The following SCN2A variants were observed in gnomAD, a reference collection of about 807,000 sequenced individuals.
The protein encoded by SCN2A is sodium voltage-gated channel alpha subunit 2, also known as sodium channel protein type 2 subunit alpha.
In SCN2A, 20 loss-of-function variants were observed where a neutral mutation model predicts 188.7. That is an observed-to-expected ratio of 0.11 (90% CI 0.07 to 0.15). The LOEUF (loss-of-function observed/expected upper bound fraction) is 0.15. SCN2A is among the 10% of genes least tolerant of loss of function. The pLI is 1.00. For missense variants in SCN2A, 1,278 were observed against 2,445.0 expected, an observed-to-expected ratio of 0.52 and a Z score of 10.07; for synonymous variants, 804 against 833.1, an observed-to-expected ratio of 0.97 and a Z score of 0.60.
chr2:165,362,317 G>A (rs180724136), intron 17 of SCN2A, among the ~76,000 whole-genome samples: 1 of 152,088 alleles, frequency 6.6e-6, no homozygotes, highest in East Asian at 1.9e-4. Flanking sequence ...AGGGAGCAAT[G>A]TTAATTCTTC....
intron 1 of SCN2A, among the ~76,000 whole-genome samples, chr2:165,254,971 T>C (rs118095577): frequency 6.6e-6 from 1 of 152,106 alleles, no homozygotes; most frequent in East Asian, 1.9e-4. Context: ...TATTTGTTGA[T>C]ATATTTTTGT....
chr2:165,368,780 G>A (rs1481218581), intron 19 of SCN2A, among the ~76,000 whole-genome samples: 2 of 152,106 alleles, frequency 1.3e-5, no homozygotes, highest in African/African-American at 4.8e-5. Flanking sequence ...TTAATAACTA[G>A]AGTGTTTGGT....
At chr2:165,283,644 A>G (rs954408492) in intron 1 of SCN2A, among the ~76,000 whole-genome samples, 1 of 152,178 alleles carries the variant, frequency 6.6e-6, no homozygotes, top group African/African-American at 2.4e-5. Context: ...ATAGCAGTGG[A>G]CCTGTGGGAT....
At chr2:165,318,700 G>A (rs1316464056) in intron 11 of SCN2A, among the ~76,000 whole-genome samples, 2 of 152,204 alleles carry the variant, frequency 1.3e-5, no homozygotes, top group African/African-American at 4.8e-5. Flanking sequence ...TGGGGTACTG[G>A]CAGTTAAAAT....
At chr2:165,319,135 G>A (rs1394731752) in intron 11 of SCN2A, among the ~76,000 whole-genome samples, 1 of 152,106 alleles carries the variant, frequency 6.6e-6, no homozygotes, top group Non-Finnish European at 1.5e-5. Flanking sequence ...CAGGAGATGA[G>A]ACCATCCTGG....
At chr2:165,272,167 A>G (rs965612052) in intron 1 of SCN2A, 1 of 152,104 alleles carries the variant, frequency 6.6e-6, no homozygotes, top group African/African-American at 2.4e-5. Flanking sequence ...AAAAATCAGT[A>G]AAAGATACAG....
intron 13 of SCN2A, chr2:165,328,210 G>A (rs1427734755): frequency 6.6e-6 from 1 of 152,374 alleles, no homozygotes; most frequent in Non-Finnish European, 1.5e-5. Flanking sequence ...CAGTGTAGAC[G>A]ACTGTGTACA....
intron 7 of SCN2A, 126 bp from the exon 8 acceptor site, chr2:165,311,899 A>G: frequency 1.5e-6 from 1 of 683,088 alleles, no homozygotes; most frequent in Non-Finnish European, 2.7e-6. Context: ...CTTTAGCCAT[A>G]TATATTTATT....
At chr2:165,309,541 A>G in intron 6 of SCN2A, 98 bp downstream of exon 6, 1 of 1,403,718 alleles carries the variant, frequency 7.1e-7, no homozygotes, top group Non-Finnish European at 1.0e-6. Flanking sequence ...CATATTGCAA[A>G]TAAATATGTA....
chr2:165,255,993 C>G (rs1694299405), intron 1 of SCN2A, among the ~76,000 whole-genome samples: 1 of 94,880 alleles, frequency 1.1e-5, no homozygotes, highest in African/African-American at 4.4e-5. Flanking sequence ...TCATTTGGGG[C>G]TCTTTTCTTT....
intron 25 of SCN2A, among the ~76,000 whole-genome samples, chr2:165,382,717 A>G (rs1701667292): frequency 6.6e-6 from 1 of 152,164 alleles, no homozygotes; most frequent in African/African-American, 2.4e-5. Flanking sequence ...ACTATCATAT[A>G]CTGAAGTCAT....
At chr2:165,374,526 A>G (rs932243109) in intron 21 of SCN2A, among the ~76,000 whole-genome samples, 159 bp from the exon 22 acceptor site, 1 of 152,112 alleles carries the variant, frequency 6.6e-6, no homozygotes, top group African/African-American at 2.4e-5. Context: ...TTATAATTTT[A>G]AAATTCTTAG....
At chr2:165,342,164 AGTT>A in intron 14 of SCN2A, 129 bp from the exon 15 acceptor site, 1 of 729,284 alleles carries the variant, frequency 1.4e-6, no homozygotes. Flanking sequence ...GTAGATACTA[AGTT>A]GTTGGACCTA....
At chr2:165,292,519 C>G (rs1359047109) in intron 1 of SCN2A, among the ~76,000 whole-genome samples, 1 of 152,044 alleles carries the variant, frequency 6.6e-6, no homozygotes, top group African/African-American at 2.4e-5. Flanking sequence ...CTCTTGTTCC[C>G]ATGTTTATGT....
At position 165,295,981 on chromosome 2, in the gene SCN2A, A is replaced by T; in HGVS notation, c.158A>T (p.Asn53Ile). 6.2e-7 allele frequency: 1 copy of T among 1,614,178 alleles called. No homozygotes were observed. The highest frequency in any genetic ancestry group is 8.5e-7 in the Non-Finnish European group (1 of 1,180,022). The stretch of plus-strand genomic sequence containing the variant: ...GATGATGAAAATGGCCCAAAGCCAA[A>T]CAGTGACTTGGAAGCAGGAAAATCT... ...DEDDENGPKP[N>I]SDLEAGKSLP... is the part of the protein sequence containing the mutation. The change falls in exon 2 of 27, where the codon AAC becomes ATC. Residue 53 changes from asparagine to isoleucine, a missense_variant. By Grantham distance (149) the Asn-to-Ile change is moderately radical. Transcript: ENST00000375437.
At chr2:165,316,130 G>T (rs182074559) in intron 11 of SCN2A, among the ~76,000 whole-genome samples, 1 of 152,256 alleles carries the variant, frequency 6.6e-6, no homozygotes, top group Admixed American at 6.5e-5. Flanking sequence ...CCCAGAAGTG[G>T]ACCAGAGACT....
chr2:165,347,673 A>G (rs1425401204), intron 16 of SCN2A, among the ~76,000 whole-genome samples: 2 of 152,228 alleles, frequency 1.3e-5, no homozygotes, highest in Non-Finnish European at 2.9e-5. Flanking sequence ...GCATGGGAAG[A>G]TAAATATAAC....
intron 1 of SCN2A, among the ~76,000 whole-genome samples, chr2:165,277,683 T>C (rs755762040): frequency 6.6e-6 from 1 of 152,216 alleles, no homozygotes; most frequent in African/African-American, 2.4e-5. Context: ...ATTTGTCTGC[T>C]CAGAACTTCT....
In SCN2A at chr2:165,313,611, T is replaced by C. The variant is rs2105255117; in HGVS notation, c.1035-9T>C. On this transcript the variant is annotated splice_polypyrimidine_tract_variant and intron_variant, in intron 8 of 26. Transcript: ENST00000375437. ...TTGACTTCCTTTCTTTCCTCTAACC[T>C]AATTATAGCCAGTGTCCTGAAGGAT... 6.2e-7 allele frequency: 1 copy of C among 1,613,180 alleles called. No homozygotes were observed. Among genetic ancestry groups the C allele is most frequent in the Admixed American group, 1.7e-5 (1 of 59,982 alleles).
Sources: allele counts gnomAD v4.1 joint callset (sites outside exome capture counted in the v4.1 genomes callset), GRCh38; gene constraint gnomAD v4.1.1; transcripts MANE v1.5; gene names NCBI Gene and HGNC (gene_info 2026-07-23, HGNC 2026-07-21).